Variants in EVC observed in about 807,000 individuals in gnomAD.
The protein encoded by EVC is EvC ciliary complex subunit 1.
In EVC, 116 loss-of-function variants were observed where a neutral mutation model predicts 118.9. The observed-to-expected ratio is 0.98, with a 90% confidence interval of 0.84 to 1.14. EVC has a LOEUF of 1.14. Ranked by LOEUF, EVC falls within the 50% of genes most tolerant of loss-of-function variation. The pLI is 0.00. For missense variants in EVC, 1,401 were observed against 1,246.4 expected (o/e 1.12, Z -1.87); for synonymous variants, 619 against 534.7 (o/e 1.16, Z -2.18).
rs768247260 is a variant in EVC at position 5,731,776 on chromosome 4, C to A, written c.617+119C>A. ...AGAGGTTCAGTGACTCTGCCAGGGA[C>A]ACACAGCGACCCAGCGTCACCATCG... On this transcript the variant is annotated intron_variant, in intron 4 of 20. Transcript: ENST00000264956. This position sits in a 1 kb window ranked among gnomAD's most constrained non-coding sequence, Gnocchi z 5.6. 5.0e-6 allele frequency: 5 copies of A among 996,854 alleles called. No homozygotes were observed. The highest frequency in any genetic ancestry group is 3.2e-5 in the African/African-American group (2 of 62,572). The allele number at this position is 996,854 out of a possible 1,614,324, so 61.8% of individuals were successfully genotyped here.
At chr4:5,767,929 C>T (rs534370640) in intron 11 of EVC, among the ~76,000 whole-genome samples, 2 of 152,192 alleles carry the variant, frequency 1.3e-5, no homozygotes, top group Non-Finnish European at 2.9e-5. Flanking sequence ...CCCCTCCCCC[C>T]ACCGGCAGCT....
At chr4:5,747,462 A>G (rs1460052357) in intron 7 of EVC, among the ~76,000 whole-genome samples, 1 of 152,172 alleles carries the variant, frequency 6.6e-6, no homozygotes, top group Non-Finnish European at 1.5e-5. Flanking sequence ...CTCTAGATAC[A>G]TACTTTATCA....
At chr4:5,787,027 AAC>A (rs1711782494) in intron 12 of EVC, among the ~76,000 whole-genome samples, 1 of 152,236 alleles carries the variant, frequency 6.6e-6, no homozygotes, top group African/African-American at 2.4e-5. Context: ...GAAAATCAAA[AAC>A]ACATCGACTA....
At chr4:5,825,903 GCA>G in the EVC span, 24 of 513,330 alleles carry the variant, frequency 4.7e-5, no homozygotes, top group East Asian at 7.0e-5. The surrounding 1 kb of genome is among the most constrained non-coding windows in gnomAD (Gnocchi z 4.4). Context: ...ACATACAGAC[GCA>G]CACACCACGC....
intron 11 of EVC, among the ~76,000 whole-genome samples, chr4:5,767,651 T>C (rs535025578): frequency 1.5e-3 from 225 of 151,850 alleles, no homozygotes; most frequent in African/African-American, 5.2e-3. Context: ...CGGGTGGGAG[T>C]GACCCGATTT....
At chr4:5,801,829 C>T in intron 15 of EVC, 121 bp from the exon 16 acceptor site, 1 of 1,110,386 alleles carries the variant, frequency 9.0e-7, no homozygotes, top group Non-Finnish European at 1.3e-6. Context: ...CCTGACCAAT[C>T]CAGGTTGGTG....
rs1728782841 is a variant in EVC, at chr4:5,742,622, A to G, written c.801+808A>G. Among the ~76,000 whole-genome samples the G allele has an allele frequency of 6.6e-6, 1 of 152,090 alleles. No individual in the cohort carries two copies. Among genetic ancestry groups the G allele is most frequent in the South Asian group, 2.1e-4 (1 of 4,812 alleles). ...CATGACCGCTGTCATCACCAACACC[A>G]TCACCATCCTCATGTCCTCATTACC... is the stretch of plus-strand genomic sequence containing the variant. On this transcript the variant is annotated intron_variant, in intron 6 of 20. Coordinates refer to ENST00000264956, the MANE Select transcript of EVC (RefSeq NM_153717.3). The surrounding 1 kb of genome is among the most constrained non-coding windows in gnomAD (Gnocchi z 5.2).
chr4:5,797,692 A>G (rs1174553788), intron 14 of EVC, among the ~76,000 whole-genome samples: 2 of 152,230 alleles, frequency 1.3e-5, no homozygotes, highest in Admixed American at 6.5e-5. Flanking sequence ...GCTTCAACAT[A>G]CAAATTTTGA....
chr4:5,791,780 C>T (rs921683464), intron 12 of EVC, among the ~76,000 whole-genome samples: 1 of 152,098 alleles, frequency 6.6e-6, no homozygotes, highest in Non-Finnish European at 1.5e-5. Flanking sequence ...TGAGACCACC[C>T]TGCCACCATA....
At position 5,797,052 on chromosome 4, in the gene EVC, C is replaced by T. The variant is rs1242667817; in HGVS notation, c.1917C>T (p.Asp639=). ...ESTRCVLQGH[D]LLLRSALRRL... ...CGCGGTGTGTCCTGCAGGGGCATGACCTGCTGTTGCGCTCAGCCCTCCGGA... is the reference window on the plus strand; with the variant it reads ...CGCGGTGTGTCCTGCAGGGGCATGATCTGCTGTTGCGCTCAGCCCTCCGGA... Residue 639 remains aspartate, a synonymous_variant, in exon 14 of 21, where the codon GAC becomes GAT. Coordinates refer to ENST00000264956, the MANE Select transcript of EVC (RefSeq NM_153717.3). 3 of 1,613,422 alleles carry T rather than the reference C, an allele frequency of 1.9e-6. No individual in the cohort carries two copies. Among genetic ancestry groups the T allele is most frequent in the South Asian group, 1.1e-5 (1 of 91,088 alleles).
chr4:5,730,035 T>G (rs950051516), intron 3 of EVC, among the ~76,000 whole-genome samples: 2 of 152,138 alleles, frequency 1.3e-5, no homozygotes, highest in Non-Finnish European at 2.9e-5. Flanking sequence ...AAATGTGGCT[T>G]GCTTTCTTGG....
chr4:5,808,594 C>T (rs1716391255), intron 18 of EVC, among the ~76,000 whole-genome samples: 1 of 152,206 alleles, frequency 6.6e-6, no homozygotes, highest in Non-Finnish European at 1.5e-5. Context: ...GGTCAGGCCT[C>T]ATCTATGGAG....
At position 5,789,015 on chromosome 4, in the gene EVC, T is replaced by C. The variant is rs144790400; in HGVS notation, c.1777-4593T>C. ...GACGTCCCTGTTTTAAGACATCCTG[T>C]ATGCCACTAATTTTTAGGATACATA... is the stretch of plus-strand genomic sequence containing the variant. On this transcript the variant is annotated intron_variant, in intron 12 of 20. Transcript: ENST00000264956. This position sits in a 1 kb window ranked among gnomAD's most constrained non-coding sequence, Gnocchi z 4.3. Among the ~76,000 whole-genome samples the C allele has an allele frequency of 9.1e-4, 138 of 152,332 alleles. No individual in the cohort carries two copies. Among genetic ancestry groups the C allele is most frequent in the African/African-American group, 3.2e-3 (133 of 41,568 alleles).
intron 17 of EVC, among the ~76,000 whole-genome samples, chr4:5,805,859 A>G (rs932551370): frequency 1.4e-5 from 2 of 147,734 alleles, no homozygotes; most frequent in Admixed American, 6.8e-5. Flanking sequence ...CCTCCCTGTC[A>G]CACCTCCTTG....
At chr4:5,740,300 G>A (rs370133053) in intron 5 of EVC, among the ~76,000 whole-genome samples, 138 of 151,926 alleles carry the variant, frequency 9.1e-4, no homozygotes, top group African/African-American at 2.8e-3. Context: ...GTGAAACCTC[G>A]TCTCTACTAA....
Position 5,765,286 on chromosome 4 carries a change from A to G in EVC, c.1563+8924A>G, listed in dbSNP as rs1269058540. On this transcript the variant is annotated intron_variant, in intron 11 of 20. Coordinates refer to ENST00000264956, the MANE Select transcript of EVC (RefSeq NM_153717.3). Reference sequence around the variant, plus strand: ...TGAGAGATAGTTTGTTATAAATTCTATTCTTTTACATTTGCTGAGGAGAGC... The same window carrying G: ...TGAGAGATAGTTTGTTATAAATTCTGTTCTTTTACATTTGCTGAGGAGAGC... 7.6e-4 allele frequency among the ~76,000 whole-genome samples: 89 copies of G among 116,568 alleles called. 24 individuals carry two copies. The highest frequency in any genetic ancestry group is 1.4e-3 in the Non-Finnish European group (73 of 54,034). 76.5% of individuals were successfully genotyped at this position (116,568 alleles called of 152,430 possible).
intron 11 of EVC, among the ~76,000 whole-genome samples, chr4:5,760,434 A>G (rs6855229): frequency 0.18 from 26,677 of 152,022 alleles, 2,495 homozygotes; most frequent in African/African-American, 0.21. Flanking sequence ...ACGAGGGGTG[A>G]TACCTGCTGG....
chr4:5,748,387 C>T, intron 8 of EVC, 81 bp downstream of exon 8: 1 of 1,488,952 alleles, frequency 6.7e-7, no homozygotes, highest in Non-Finnish European at 9.2e-7. Context: ...ATCCTTAAAT[C>T]TAACAGATTC....
chr4:5,817,391 A>G (rs181801182), downstream of EVC, among the ~76,000 whole-genome samples: 3 of 152,290 alleles, frequency 2.0e-5, no homozygotes, highest in African/African-American at 2.4e-5. Flanking sequence ...AAGTGGTTTG[A>G]TAGATCTCCC....
Sources: allele counts gnomAD v4.1 joint callset (sites outside exome capture counted in the v4.1 genomes callset), GRCh38; gene constraint gnomAD v4.1.1; non-coding constraint Gnocchi (gnomAD v3.1); transcripts MANE v1.5; gene names NCBI Gene and HGNC (gene_info 2026-07-23, HGNC 2026-07-21).